ALPK1: variants seen among roughly 807,000 people sequenced by gnomAD.
ALPK1 encodes the protein alpha kinase 1.
Under a neutral mutation model 120.6 loss-of-function variants are expected in ALPK1, and 110 were observed. That is an observed-to-expected ratio of 0.91 (90% CI 0.78 to 1.07). ALPK1 has a LOEUF of 1.07. Among genes scored for constraint, ALPK1 ranks in the 50% least tolerant of loss-of-function variants. ALPK1 has a pLI of 0.00. For synonymous variants in ALPK1, 582 were observed against 560.3 expected (o/e 1.04, Z -0.55); for missense variants, 1,498 against 1,483.9 (o/e 1.01, Z -0.16).
At chr4:112,432,660 C>T in intron 11 of ALPK1, 79 bp downstream of exon 11, 2 of 1,357,588 alleles carry the variant, frequency 1.5e-6, no homozygotes, top group Non-Finnish European at 1.0e-6. Context: ...GTATGTAGAT[C>T]ACTTAAAGCT....
At chr4:112,398,118 T>C (rs914527762) in intron 4 of ALPK1, among the ~76,000 whole-genome samples, 5 of 152,104 alleles carry the variant, frequency 3.3e-5, no homozygotes, top group Admixed American at 1.3e-4. Flanking sequence ...TGCGGATATC[T>C]GAGGGCAGAG....
chr4:112,357,303 T>C, intron 2 of ALPK1: 1 of 966,024 alleles, frequency 1.0e-6, no homozygotes, highest in Admixed American at 2.0e-5. Flanking sequence ...CTGCAGAAGC[T>C]GGCGGATATT....
At chr4:112,414,818 A>G (rs1733663501) in intron 5 of ALPK1, 1 of 154,074 alleles carries the variant, frequency 6.5e-6, no homozygotes, top group African/African-American at 2.4e-5. Flanking sequence ...GAAACATAAA[A>G]GGTATTTAAA....
At chr4:112,370,991 C>T (rs1357146632) in intron 2 of ALPK1, among the ~76,000 whole-genome samples, 1 of 152,154 alleles carries the variant, frequency 6.6e-6, no homozygotes, top group African/African-American at 2.4e-5. Context: ...TTCTACGCTT[C>T]TTGTCTCAAA....
chr4:112,411,293 C>G (rs1477105991), intron 4 of ALPK1, among the ~76,000 whole-genome samples: 1 of 152,294 alleles, frequency 6.6e-6, no homozygotes, highest in Admixed American at 6.5e-5. Flanking sequence ...GGCTGGATCT[C>G]GGCTCCCTGC....
At chr4:112,392,052 C>G (rs1281969348) in intron 4 of ALPK1, among the ~76,000 whole-genome samples, 1 of 152,166 alleles carries the variant, frequency 6.6e-6, no homozygotes, top group Non-Finnish European at 1.5e-5. Context: ...CTAGTATCTA[C>G]TAAGTTATTT....
In ALPK1 at chr4:112,319,446, T is replaced by C. The variant is rs567402055; in HGVS notation, c.-101+3594T>C. ...TTTTTATACCAACACCATGCTGTTTTGGTGACTATGGCCTTATAGTCAGAA... is the reference window on the plus strand; with the variant it reads ...TTTTTATACCAACACCATGCTGTTTCGGTGACTATGGCCTTATAGTCAGAA... On this transcript the variant is annotated intron_variant, in intron 2 of 15. Coordinates refer to ENST00000650871, the MANE Select transcript of ALPK1 (RefSeq NM_025144.4). 2.6e-5 allele frequency among the ~76,000 whole-genome samples: 4 copies of C among 152,334 alleles called. No homozygotes were observed. The South Asian group carries it at 6.2e-4, about 24-fold the overall frequency.
chr4:112,306,540 G>C (rs979064784), intron 1 of ALPK1, among the ~76,000 whole-genome samples: 3 of 152,188 alleles, frequency 2.0e-5, no homozygotes, highest in South Asian at 2.1e-4. Flanking sequence ...TTTGCATAGA[G>C]GTGTTTATAG....
At chr4:112,380,115 G>C (rs540519526) in intron 3 of ALPK1, among the ~76,000 whole-genome samples, 1 of 152,334 alleles carries the variant, frequency 6.6e-6, no homozygotes, top group African/African-American at 2.4e-5. Context: ...TCTTCTGAGA[G>C]TGAAAAGGAG....
In ALPK1 at chr4:112,441,112, C is replaced by T. The variant is rs1416948480; in HGVS notation, c.3727+7C>T. On this transcript the variant is annotated splice_region_variant and intron_variant, in intron 15 of 15. Transcript: ENST00000650871. The stretch of plus-strand genomic sequence containing the variant: ...CCTTCAATGGAGAAACCATGTAAGT[C>T]ATAGGCTGTATGGATTGGTAATGTG... The T allele has an allele frequency of 2.5e-6, 4 of 1,613,736 alleles. No homozygotes were observed. Among genetic ancestry groups the T allele is most frequent in the Non-Finnish European group, 3.4e-6 (4 of 1,179,856 alleles).
intron 2 of ALPK1, among the ~76,000 whole-genome samples, chr4:112,322,771 C>T (rs72666231): frequency 0.015 from 2,279 of 152,192 alleles, 28 homozygotes; most frequent in Non-Finnish European, 0.023. Flanking sequence ...AAATAGGACT[C>T]AAGAACGAAT....
chr4:112,354,762 C>G (rs1016369742), intron 2 of ALPK1, among the ~76,000 whole-genome samples: 4 of 152,136 alleles, frequency 2.6e-5, no homozygotes, highest in Admixed American at 2.6e-4. Flanking sequence ...GTCACCATGC[C>G]TGGACTGTAA....
At chr4:112,351,614 C>T (rs916324186) in intron 2 of ALPK1, among the ~76,000 whole-genome samples, 1 of 152,048 alleles carries the variant, frequency 6.6e-6, no homozygotes, top group Non-Finnish European at 1.5e-5. Context: ...ACTGAGATTA[C>T]AAGCACGCGC....
At chr4:112,374,658 A>C (rs1322734423) in intron 2 of ALPK1, among the ~76,000 whole-genome samples, 2 of 152,242 alleles carry the variant, frequency 1.3e-5, no homozygotes, top group African/African-American at 2.4e-5. Context: ...AATTTCTTCT[A>C]AGACTTAAAA....
intron 8 of ALPK1, among the ~76,000 whole-genome samples, chr4:112,426,760 T>C (rs939680646): frequency 3.3e-5 from 5 of 152,250 alleles, no homozygotes; most frequent in Non-Finnish European, 7.3e-5. Flanking sequence ...GGTGTTCTTA[T>C]AATCATTTGT....
chr4:112,398,830 G>T (rs1254335775), intron 4 of ALPK1, among the ~76,000 whole-genome samples: 1 of 152,080 alleles, frequency 6.6e-6, no homozygotes, highest in Admixed American at 6.5e-5. Context: ...TATTTTAGAG[G>T]TAGAGCCAAC....
chr4:112,396,544 A>G (rs1003728388), intron 4 of ALPK1, among the ~76,000 whole-genome samples: 3 of 152,184 alleles, frequency 2.0e-5, no homozygotes, highest in Admixed American at 2.0e-4. Flanking sequence ...GCTTATGTCA[A>G]TTCACTTTTT....
intron 2 of ALPK1, among the ~76,000 whole-genome samples, chr4:112,329,279 AAG>A (rs1404742356): frequency 1.3e-5 from 2 of 152,238 alleles, no homozygotes; most frequent in Non-Finnish European, 2.9e-5. Flanking sequence ...ACAATAGAAA[AAG>A]AGAAAAGCTG....
At chr4:112,332,863 CTA>C (rs1729446069) in intron 2 of ALPK1, among the ~76,000 whole-genome samples, 1 of 152,160 alleles carries the variant, frequency 6.6e-6, no homozygotes, top group Non-Finnish European at 1.5e-5. Context: ...AAACTTCTAA[CTA>C]TTTTAGTTTC....
Sources: gnomAD v4.1 joint callset for allele counts (sites outside exome capture counted in the v4.1 genomes callset) on GRCh38, gnomAD v4.1.1 for gene constraint, MANE v1.5 for transcripts, NCBI Gene and HGNC (gene_info 2026-07-23, HGNC 2026-07-21) for gene names.